USP49: variants seen among roughly 807,000 people sequenced by gnomAD.
USP49 encodes ubiquitin specific peptidase 49.
A neutral mutation model predicts 58.6 loss-of-function variants in USP49; 24 were observed. The ratio of observed to expected loss-of-function variants is 0.41; its 90% CI spans 0.30 to 0.58. The LOEUF is 0.58. USP49 is among the 20% of genes least tolerant of loss of function. USP49 has a pLI of 0.30. For synonymous variants in USP49, 408 were observed against 365.1 expected, an observed-to-expected ratio of 1.12 and a Z score of -1.34; for missense variants, 703 against 866.1, an observed-to-expected ratio of 0.81 and a Z score of 2.36.
intron 1 of USP49, among the ~76,000 whole-genome samples, chr6:41,892,302 A>G (rs1774822735): frequency 1.3e-5 from 2 of 152,250 alleles, no homozygotes; most frequent in Non-Finnish European, 2.9e-5. Flanking sequence ...TACATTATAA[A>G]CATGGCAATA....
chr6:41,865,536 A>G (rs1774298447), intron 3 of USP49, among the ~76,000 whole-genome samples: 1 of 151,888 alleles, frequency 6.6e-6, no homozygotes, highest in South Asian at 2.1e-4. Flanking sequence ...AGAGTGGGTC[A>G]TAGTATATTG....
At chr6:41,816,878 G>C (rs915471836) in intron 3 of USP49, among the ~76,000 whole-genome samples, 2 of 148,904 alleles carry the variant, frequency 1.3e-5, no homozygotes, top group Non-Finnish European at 3.0e-5. Flanking sequence ...CTAATTTTTT[G>C]TATTTTTGGT....
At position 41,805,646 on chromosome 6, in the gene USP49, A is replaced by G. The variant is rs1773100375; in HGVS notation, c.1338T>C (p.His446=). Residue 446 remains histidine, a synonymous_variant, in exon 4 of 8, where the codon CAT becomes CAC. Coordinates refer to ENST00000682992, the MANE Select transcript of USP49 (RefSeq NM_001286554.2). ...QVLKVVNTIF[H]GQLLSQVTCI... is the part of the protein sequence containing the mutation. Reference sequence around the variant, plus strand: ...CACATACCTGACTGAGCAGCTGCCCATGAAATATGGTATTCACCACCTTTA... The same window carrying G: ...CACATACCTGACTGAGCAGCTGCCCGTGAAATATGGTATTCACCACCTTTA... 6.2e-7 allele frequency: 1 copy of G among 1,612,946 alleles called. No individual in the cohort carries two copies. The highest frequency in any genetic ancestry group is 8.5e-7 in the Non-Finnish European group (1 of 1,179,016).
rs1361862134 is a variant in USP49, at chr6:41,790,678, A to G, written c.*5855T>C. 6.6e-6 allele frequency: 1 copy of G among 152,222 alleles called. No homozygotes were observed. Among genetic ancestry groups the G allele is most frequent in the Non-Finnish European group, 1.5e-5 (1 of 68,036 alleles). 9.4% of individuals were successfully genotyped at this position (152,222 alleles called of 1,614,324 possible). On this transcript the variant is annotated 3_prime_UTR_variant, in exon 8 of 8. Coordinates refer to ENST00000682992, the MANE Select transcript of USP49 (RefSeq NM_001286554.2). ...GTTCACTACTAAAGTTAAACAGGAC[A>G]AAATAGTCTTTCCTGACCTTGCTGG... is the stretch of plus-strand genomic sequence containing the variant.
chr6:41,842,846 T>G (rs930645182), intron 3 of USP49, among the ~76,000 whole-genome samples: 1 of 149,894 alleles, frequency 6.7e-6, no homozygotes, highest in Non-Finnish European at 1.5e-5. Context: ...TATTCACATA[T>G]ATAAATACTA....
rs146688562 is a variant in USP49 at position 41,822,535 on chromosome 6, T to C, written c.-28-15524A>G. On this transcript the variant is annotated intron_variant, in intron 3 of 7. Transcript: ENST00000682992. ...GCATATCTGTCAGGAAGGAGGCCCA[T>C]CATATTTTGCATGAATGAAGACAAC... Among the ~76,000 whole-genome samples the C allele has an allele frequency of 1.8e-4, 27 of 152,244 alleles. No individual in the cohort carries two copies. In the South Asian group the frequency reaches 5.2e-3, roughly 29 times the overall value.
At position 41,793,077 on chromosome 6, in the gene USP49, G is replaced by A. The variant is rs1772825575; in HGVS notation, c.*3456C>T. Reference sequence around the variant, plus strand: ...CTCATTGGTTCTTCCCTTGTACTTGGATGAAGCTGTAAGCACAGCCAGAGT... The same window carrying A: ...CTCATTGGTTCTTCCCTTGTACTTGAATGAAGCTGTAAGCACAGCCAGAGT... On this transcript the variant is annotated 3_prime_UTR_variant, in exon 8 of 8. Transcript: ENST00000682992. 1 of 152,124 alleles carries A rather than the reference G, an allele frequency of 6.6e-6. No individual in the cohort carries two copies. The highest frequency in any genetic ancestry group is 2.4e-5 in the African/African-American group (1 of 41,394). 9.4% of individuals were successfully genotyped at this position (152,124 alleles called of 1,614,324 possible). A position where few individuals can be genotyped will look rare whatever the true frequency, so the allele number is the denominator to read the frequency against.
At chr6:41,829,229 T>C (rs1442082329) in intron 3 of USP49, among the ~76,000 whole-genome samples, 1 of 152,188 alleles carries the variant, frequency 6.6e-6, no homozygotes, top group African/African-American at 2.4e-5. Flanking sequence ...TAATTTTGTA[T>C]GGTTGAATCA....
intron 3 of USP49, among the ~76,000 whole-genome samples, chr6:41,840,666 A>C (rs765505649): frequency 1.3e-5 from 2 of 152,196 alleles, no homozygotes; most frequent in Non-Finnish European, 2.9e-5. Flanking sequence ...AGACCTGTAT[A>C]AACTATTGCT....
rs762070875 is a variant in USP49 at position 41,806,842 on chromosome 6, G to A, written c.142C>T (p.Arg48Cys). ...CLKCSHVACG[R>C]YIEDHALKHF... Reference sequence around the variant, plus strand: ...TTCAGGGCGTGGTCCTCAATATAGCGGCCGCAGGCCACGTGGGAGCACTTG... The same window carrying A: ...TTCAGGGCGTGGTCCTCAATATAGCAGCCGCAGGCCACGTGGGAGCACTTG... The change falls in exon 4 of 8, where the codon CGC becomes TGC. Residue 48 changes from arginine (R) to cysteine (C), a missense_variant. Transcript: ENST00000682992. The surrounding 1 kb of genome is among the most constrained non-coding windows in gnomAD (Gnocchi z 5.9). 2 of 1,613,978 alleles carry A rather than the reference G, an allele frequency of 1.2e-6. No homozygotes were observed. The highest frequency in any genetic ancestry group is 1.1e-5 in the South Asian group (1 of 91,070).
chr6:41,802,468 A>ATTTTTTTTTTTTT (rs1178634996), intron 5 of USP49, among the ~76,000 whole-genome samples: 1 of 73,924 alleles, frequency 1.4e-5, no homozygotes, highest in African/African-American at 5.5e-5. Context: ...TTATTTATTT[A>ATTTTTTTTTTTTT]TTTTTTATTT....
rs34281670 is a variant in USP49 at position 41,817,150 on chromosome 6, C to CTTTTTTTT, written c.-28-10147_-28-10140dup. 6.3e-3 allele frequency among the ~76,000 whole-genome samples: 654 copies of CTTTTTTTT among 104,310 alleles called. 61 individuals carry two copies. The highest frequency in any genetic ancestry group is 0.028 in the African/African-American group (633 of 22,526). 68.4% of individuals were successfully genotyped at this position (104,310 alleles called of 152,430 possible). A position where few individuals can be genotyped will look rare whatever the true frequency, so the allele number is the denominator to read the frequency against. The stretch of plus-strand genomic sequence containing the variant: ...CCACCACGCCTGGCTCCCACGCATG[C>CTTTTTTTT]TTTTTTTTTTTTTTTTTGAGACAGA... On this transcript the variant is annotated intron_variant, in intron 3 of 7. Transcript: ENST00000682992.
rs1772874077 is a variant in USP49, at chr6:41,795,683, A to G, written c.*850T>C. On this transcript the variant is annotated 3_prime_UTR_variant, in exon 8 of 8. Transcript: ENST00000682992. The stretch of plus-strand genomic sequence containing the variant: ...TCTGCCCACCCTCAATTGAGTTCTG[A>G]GAAAACCTAAGAATCAATTTAAACC... 1 of 152,212 alleles carries G rather than the reference A, an allele frequency of 6.6e-6. No homozygotes were observed. The highest frequency in any genetic ancestry group is 6.5e-5 in the Admixed American group (1 of 15,286). 9.4% of individuals were successfully genotyped at this position (152,212 alleles called of 1,614,324 possible).
At chr6:41,804,611 CA>C (rs1466939189) in intron 4 of USP49, among the ~76,000 whole-genome samples, 1 of 152,174 alleles carries the variant, frequency 6.6e-6, no homozygotes, top group African/African-American at 2.4e-5. Flanking sequence ...TGCTCAAAAA[CA>C]AAAGCCTAAT....
intron 3 of USP49, among the ~76,000 whole-genome samples, chr6:41,829,477 C>A (rs1773599222): frequency 6.6e-6 from 1 of 152,122 alleles, no homozygotes; most frequent in Admixed American, 6.6e-5. Context: ...CAATGCCCGG[C>A]TAATTTTGTA....
chr6:41,892,782 T>G (rs1306161124), intron 1 of USP49, among the ~76,000 whole-genome samples: 2 of 152,180 alleles, frequency 1.3e-5, no homozygotes, highest in African/African-American at 4.8e-5. Flanking sequence ...TGCATCTGAG[T>G]GTACACAATG....
intron 1 of USP49, among the ~76,000 whole-genome samples, chr6:41,892,343 A>C (rs1467750834): frequency 1.3e-5 from 2 of 152,250 alleles, no homozygotes; most frequent in Non-Finnish European, 2.9e-5. Context: ...TACTAACGCC[A>C]GCCCAAACAC....
chr6:41,841,877 CA>C (rs1253848122), intron 3 of USP49, among the ~76,000 whole-genome samples: 1 of 152,082 alleles, frequency 6.6e-6, no homozygotes, highest in Non-Finnish European at 1.5e-5. Context: ...GCCAACATGG[CA>C]AAACCCTGTC....
chr6:41,868,368 G>A (rs757714512), intron 3 of USP49, among the ~76,000 whole-genome samples: 9 of 151,954 alleles, frequency 5.9e-5, no homozygotes, highest in Non-Finnish European at 8.8e-5. Flanking sequence ...TCGCTCTGTT[G>A]CCAGGCTGGA....
Sources: gnomAD v4.1 joint callset for allele counts (sites outside exome capture counted in the v4.1 genomes callset) on GRCh38, gnomAD v4.1.1 for gene constraint, Gnocchi (gnomAD v3.1) non-coding constraint, MANE v1.5 for transcripts, NCBI Gene and HGNC (gene_info 2026-07-23, HGNC 2026-07-21) for gene names.